ELAPOR1: variants seen among roughly 807,000 people sequenced by gnomAD.
The protein encoded by ELAPOR1 is endosome/lysosome-associated apoptosis and autophagy regulator 1.
Under a neutral mutation model 119.7 loss-of-function variants are expected in ELAPOR1, and 77 were observed. The observed-to-expected ratio is 0.64, with a 90% CI of 0.54 to 0.78. The LOEUF (loss-of-function observed/expected upper bound fraction) is 0.78, where lower values mean the gene tolerates loss of function less well. Ranked by LOEUF, ELAPOR1 falls within the 30% of genes least tolerant of loss-of-function variation. ELAPOR1 has a pLI of 0.00. For missense variants in ELAPOR1, 1,115 were observed against 1,270.4 expected, an observed-to-expected ratio of 0.88 and a Z score of 1.86; for synonymous variants, 481 against 487.2, an observed-to-expected ratio of 0.99 and a Z score of 0.17.
intron 1 of ELAPOR1, among the ~76,000 whole-genome samples, chr1:109,159,393 T>C (rs1185576187): frequency 6.6e-6 from 1 of 152,144 alleles, no homozygotes; most frequent in Non-Finnish European, 1.5e-5. Context: ...GGACATCAAA[T>C]GAAAGACGAT....
intron 4 of ELAPOR1, 104 bp downstream of exon 4, chr1:109,172,117 CTGT>C (rs1558048749): frequency 5.7e-6 from 8 of 1,396,848 alleles, no homozygotes; most frequent in Non-Finnish European, 7.0e-6. Context: ...GGGGGAATCA[CTGT>C]TGTTTTCTCT....
Position 109,200,210 on chromosome 1 carries a change from C to T in ELAPOR1, c.2780C>T (p.Thr927Ile). ...TCTAILLTVL[T>I]CYFWKKNQKL... ...ACTGCCATCCTGCTCACCGTCTTGACCTGCTACTTTTGGAAAAAGAATCAA... is the reference window on the plus strand; with the variant it reads ...ACTGCCATCCTGCTCACCGTCTTGATCTGCTACTTTTGGAAAAAGAATCAA... Residue 927 changes from threonine (T) to isoleucine (I), a missense_variant, in exon 20 of 22, where the codon ACC becomes ATC. Thr to Ile is a moderately conservative substitution (Grantham distance 89). Coordinates refer to ENST00000369939, the MANE Select transcript of ELAPOR1 (RefSeq NM_020775.5). 1 of 1,614,130 alleles carries T rather than the reference C, an allele frequency of 6.2e-7. No individual in the cohort carries two copies. The highest frequency in any genetic ancestry group is 8.5e-7 in the Non-Finnish European group (1 of 1,180,010).
At chr1:109,190,759 C>T (rs527798273) in intron 11 of ELAPOR1, among the ~76,000 whole-genome samples, 10 of 152,284 alleles carry the variant, frequency 6.6e-5, no homozygotes, top group African/African-American at 1.4e-4. Context: ...TACCCCAGCC[C>T]GCTTGGGCAT....
chr1:109,126,945 G>A (rs535621754), intron 1 of ELAPOR1, among the ~76,000 whole-genome samples: 5 of 152,274 alleles, frequency 3.3e-5, no homozygotes, highest in East Asian at 1.9e-4. Flanking sequence ...CAGCTTGTCC[G>A]GATCAGGGCA....
chr1:109,114,741 G>A (rs1181970733), intron 1 of ELAPOR1, among the ~76,000 whole-genome samples: 2 of 152,160 alleles, frequency 1.3e-5, no homozygotes, highest in Admixed American at 1.3e-4. Flanking sequence ...GAGAGGAAAG[G>A]AGTTAGGAAG....
At chr1:109,185,719 G>T (rs1007465483) in intron 8 of ELAPOR1, among the ~76,000 whole-genome samples, 5 of 152,188 alleles carry the variant, frequency 3.3e-5, no homozygotes, top group Non-Finnish European at 7.3e-5. Flanking sequence ...TGCCCCCAGG[G>T]AGCTCACAGT....
Position 109,187,979 on chromosome 1 carries a change from A to G in ELAPOR1, c.1042-198A>G, listed in dbSNP as rs377341010. The G allele has an allele frequency of 5.3e-6, 7 of 1,329,524 alleles. No individual in the cohort carries two copies. In the African/African-American group the frequency reaches 5.8e-5, roughly 11 times the overall value. The allele number at this position is 1,329,524 out of a possible 1,614,324, so 82.4% of individuals were successfully genotyped here. On this transcript the variant is annotated intron_variant, in intron 8 of 21. Transcript: ENST00000369939. Reference sequence around the variant, plus strand: ...GGCAACATTCATTTGGCAGATAGTGATTGAACACAACCATGACTCAGGCAC... The same window carrying G: ...GGCAACATTCATTTGGCAGATAGTGGTTGAACACAACCATGACTCAGGCAC...
chr1:109,121,102 T>C (rs980883020), intron 1 of ELAPOR1, among the ~76,000 whole-genome samples: 10 of 152,224 alleles, frequency 6.6e-5, no homozygotes, highest in Non-Finnish European at 1.5e-4. Context: ...TTTGAAATTT[T>C]TGGTACTTTT....
chr1:109,114,493 G>C (rs1647853809), intron 1 of ELAPOR1, among the ~76,000 whole-genome samples, 157 bp downstream of exon 1: 4 of 152,144 alleles, frequency 2.6e-5, no homozygotes, highest in Admixed American at 1.3e-4. Flanking sequence ...CCAGTCTGGC[G>C]TCATGAGGAG....
At position 109,199,964 on chromosome 1, in the gene ELAPOR1, G is replaced by C. The variant is rs763194496; in HGVS notation, c.2612G>C (p.Cys871Ser). The C allele has an allele frequency of 3.1e-6, 5 of 1,614,040 alleles. No homozygotes were observed. In the African/African-American group the frequency reaches 4.0e-5, roughly 13 times the overall value. The change falls in exon 19 of 22, where the codon TGT becomes TCT. Residue 871 changes from cysteine (C) to serine (S), a missense_variant. Transcript: ENST00000369939. ...GACTACCATGCTATCGTCAGCAGCT[G>C]TGTGGCTGGGATCCAGGTGGGTTTC... ...VADYHAIVSS[C>S]VAGIQKTTYV...
chr1:109,199,899 G>A lies in ELAPOR1; in HGVS notation c.2547G>A (p.Leu849=). 6.2e-7 allele frequency: 1 copy of A among 1,613,744 alleles called. No individual in the cohort carries two copies. The highest frequency in any genetic ancestry group is 8.5e-7 in the Non-Finnish European group (1 of 1,180,036). The part of the protein sequence containing the change: ...GTCDGCNFHF[L]WESAAACPLC... ...GTGATGGCTGCAACTTCCACTTCCT[G>A]TGGGAGAGCGCGGCTGCTTGCCCGC... The change falls in exon 19 of 22, where the codon CTG becomes CTA. Residue 849 remains leucine, a synonymous_variant. Coordinates refer to ENST00000369939, the MANE Select transcript of ELAPOR1 (RefSeq NM_020775.5).
chr1:109,117,303 A>C (rs763458067), intron 1 of ELAPOR1, among the ~76,000 whole-genome samples: 1 of 152,216 alleles, frequency 6.6e-6, no homozygotes, highest in African/African-American at 2.4e-5. Flanking sequence ...GTTTTCATGA[A>C]TCGTTTCTTT....
chr1:109,198,920 C>A (rs927572487), intron 18 of ELAPOR1, among the ~76,000 whole-genome samples: 7 of 152,214 alleles, frequency 4.6e-5, no homozygotes, highest in Admixed American at 3.9e-4. Flanking sequence ...GCATGGTAAC[C>A]AACAGCTCGG....
chr1:109,163,204 A>C (rs916003102), intron 2 of ELAPOR1, among the ~76,000 whole-genome samples: 1 of 152,184 alleles, frequency 6.6e-6, no homozygotes, highest in African/African-American at 2.4e-5. Context: ...GGTCCAGGGT[A>C]GAGGCAACAC....
chr1:109,197,609 G>C lies in ELAPOR1; in HGVS notation c.2257G>C (p.Ala753Pro). The change falls in exon 16 of 22, where the codon GCC (alanine) becomes CCC (proline). Residue 753 changes from alanine (A) to proline (P), a missense_variant. Coordinates refer to ENST00000369939, the MANE Select transcript of ELAPOR1 (RefSeq NM_020775.5). ...IIPPEVTGYK[A>P]GVSSQPVSLA... ...CCCCCCAGAGGTGACAGGCTACAAGGCCGGGGTTTCCTCACAGCCTGTCAG... is the reference window on the plus strand; with the variant it reads ...CCCCCCAGAGGTGACAGGCTACAAGCCCGGGGTTTCCTCACAGCCTGTCAG... 1 of 1,614,164 alleles carries C rather than the reference G, an allele frequency of 6.2e-7. No individual in the cohort carries two copies. Among genetic ancestry groups the C allele is most frequent in the East Asian group, 2.2e-5 (1 of 44,892 alleles).
At position 109,198,017 on chromosome 1, in the gene ELAPOR1, C is replaced by T. The variant is rs1163464721; in HGVS notation, c.2341C>T (p.Pro781Ser). ...TDMTLDGITS[P>S]AELFHLESLG... is the part of the protein sequence containing the mutation. ...TATGACTCTGGATGGAATCACCTCC[C>T]CAGCTGAACTTTTCCACCTGGAGTC... The change falls in exon 17 of 22, where the codon CCA becomes TCA. Residue 781 changes from proline (P) to serine (S), a missense_variant. Physicochemically the swap from Pro to Ser is moderately conservative, Grantham distance 74. Transcript: ENST00000369939. 6.2e-7 allele frequency: 1 copy of T among 1,614,128 alleles called. No homozygotes were observed. The highest frequency in any genetic ancestry group is 1.3e-5 in the African/African-American group (1 of 75,052).
At chr1:109,158,511 G>A (rs755588206) in intron 1 of ELAPOR1, among the ~76,000 whole-genome samples, 3 of 152,068 alleles carry the variant, frequency 2.0e-5, no homozygotes, top group Non-Finnish European at 4.4e-5. Context: ...TTACATGGCT[G>A]GGTGACGCTA....
At chr1:109,154,281 CAAAAAAAAA>C (rs745938875) in intron 1 of ELAPOR1, among the ~76,000 whole-genome samples, 1 of 39,744 alleles carries the variant, frequency 2.5e-5, no homozygotes, top group African/African-American at 9.1e-5. Context: ...AACTCCGTCT[CAAAAAAAAA>C]AAAAAAAAAA....
chr1:109,135,444 A>C (rs1324814821), intron 1 of ELAPOR1, among the ~76,000 whole-genome samples: 5 of 152,096 alleles, frequency 3.3e-5, no homozygotes, highest in Admixed American at 3.3e-4. Context: ...GTTTCACCAC[A>C]TGACCAGGCT....
Sources: gnomAD v4.1 joint callset for allele counts (sites outside exome capture counted in the v4.1 genomes callset) on GRCh38, gnomAD v4.1.1 for gene constraint, MANE v1.5 for transcripts, NCBI Gene and HGNC (gene_info 2026-07-23, HGNC 2026-07-21) for gene names.